Variants in TMEFF1 observed in about 807,000 individuals in gnomAD.
The protein encoded by TMEFF1 is tomoregulin-1.
A neutral mutation model predicts 47.5 loss-of-function variants in TMEFF1; 20 were observed. That is an observed-to-expected ratio of 0.42 (90% confidence interval 0.30 to 0.61). The LOEUF (loss-of-function observed/expected upper bound fraction) is 0.61. Ranked by LOEUF, TMEFF1 falls within the 20% of genes least tolerant of loss-of-function variation. The probability of loss-of-function intolerance (pLI) is 0.19; values close to 1 mark genes in which losing one functional copy is unlikely to be tolerated. For synonymous variants in TMEFF1, 162 were observed against 166.3 expected (o/e 0.97, Z 0.20); for missense variants, 411 against 471.1 (o/e 0.87, Z 1.18).
Position 100,577,336 on chromosome 9 carries a change from TAAAC to T in TMEFF1, c.*740_*743del, listed in dbSNP as rs1839370137. The stretch of plus-strand genomic sequence containing the variant: ...AAGAAAATGTTTGTTTTAACATAAA[TAAAC>T]AAATCGTATCAGTGTTTGTGAATAA... On this transcript the variant is annotated 3_prime_UTR_variant, in exon 10 of 10. Coordinates refer to ENST00000374879, the MANE Select transcript of TMEFF1 (RefSeq NM_003692.5). 6.6e-6 allele frequency: 1 copy of T among 152,580 alleles called. No individual in the cohort carries two copies. The highest frequency in any genetic ancestry group is 1.5e-5 in the Non-Finnish European group (1 of 67,992). The allele number at this position is 152,580 out of a possible 1,614,324, so 9.5% of individuals were successfully genotyped here. A position where few individuals can be genotyped will look rare whatever the true frequency, so the allele number is the denominator to read the frequency against.
chr9:100,522,873 C>A (rs1259695868), intron 5 of TMEFF1, among the ~76,000 whole-genome samples: 1 of 151,908 alleles, frequency 6.6e-6, no homozygotes, highest in Non-Finnish European at 1.5e-5. Context: ...TAGCTGGGAC[C>A]ACAGGTGCCC....
intron 5 of TMEFF1, among the ~76,000 whole-genome samples, chr9:100,547,164 C>T (rs1305166727): frequency 6.6e-6 from 1 of 152,022 alleles, no homozygotes; most frequent in Non-Finnish European, 1.5e-5. Context: ...CACAGGTACA[C>T]ACCACTGTGC....
At chr9:100,518,343 AGC>A in intron 5 of TMEFF1, 1 of 673,336 alleles carries the variant, frequency 1.5e-6, no homozygotes, top group Non-Finnish European at 1.8e-6. Context: ...TCCCAATCAG[AGC>A]AACTCTGTTG....
chr9:100,574,638 A>C (rs901836461), intron 9 of TMEFF1, among the ~76,000 whole-genome samples: 2 of 152,154 alleles, frequency 1.3e-5, no homozygotes, highest in African/African-American at 2.4e-5. Context: ...CGGTCTCGCA[A>C]AGTGCTGGGA....
intron 1 of TMEFF1, among the ~76,000 whole-genome samples, chr9:100,492,171 A>G (rs1180547152): frequency 2.0e-5 from 3 of 152,232 alleles, no homozygotes; most frequent in Non-Finnish European, 4.4e-5. Context: ...GGCGTGAGCC[A>G]CCGCACCTGG....
At chr9:100,521,800 A>G (rs1054224571) in intron 5 of TMEFF1, among the ~76,000 whole-genome samples, 2 of 152,222 alleles carry the variant, frequency 1.3e-5, no homozygotes, top group Non-Finnish European at 1.5e-5. Flanking sequence ...TTTGTCTGCA[A>G]TGCACTTTAT....
intron 5 of TMEFF1, among the ~76,000 whole-genome samples, chr9:100,546,236 C>T (rs926703554): frequency 6.6e-6 from 1 of 152,140 alleles, no homozygotes; most frequent in Non-Finnish European, 1.5e-5. Flanking sequence ...CACAGTTCCC[C>T]AGACCCACGT....
chr9:100,527,345 G>C (rs1838281283), intron 5 of TMEFF1, among the ~76,000 whole-genome samples: 1 of 152,172 alleles, frequency 6.6e-6, no homozygotes, highest in Non-Finnish European at 1.5e-5. Context: ...CATCTCACTA[G>C]GGAGTGCCAG....
chr9:100,529,781 A>C (rs1174922428), intron 5 of TMEFF1, among the ~76,000 whole-genome samples: 4 of 152,324 alleles, frequency 2.6e-5, no homozygotes, highest in Admixed American at 2.0e-4. Context: ...CCAAATCAAC[A>C]GAATATACAT....
At chr9:100,499,567 A>G (rs1299041704) in intron 2 of TMEFF1, among the ~76,000 whole-genome samples, 2 of 152,178 alleles carry the variant, frequency 1.3e-5, no homozygotes, top group Non-Finnish European at 2.9e-5. Context: ...TCACAATTTT[A>G]TTCTAAACGT....
chr9:100,569,154 G>GC (rs1839180436), intron 8 of TMEFF1, among the ~76,000 whole-genome samples: 1 of 152,162 alleles, frequency 6.6e-6, no homozygotes, highest in African/African-American at 2.4e-5. Context: ...CTGCCAGACC[G>GC]TTTTCCAAAG....
At chr9:100,517,343 C>A (rs1245494300) in intron 5 of TMEFF1, among the ~76,000 whole-genome samples, 4 of 152,184 alleles carry the variant, frequency 2.6e-5, no homozygotes, top group Admixed American at 1.3e-4. Flanking sequence ...GGATCTTCTT[C>A]ACTTCCTCAG....
Position 100,512,871 on chromosome 9 carries a change from A to ATT in TMEFF1, c.437-426_437-425dup, listed in dbSNP as rs201361054. Among the ~76,000 whole-genome samples the ATT allele has an allele frequency of 5.1e-3, 750 of 147,162 alleles. 6 individuals carry two copies. The highest frequency in any genetic ancestry group is 0.017 in the African/African-American group (703 of 40,456). Reference sequence around the variant, plus strand: ...TTTATCCGCAGATTTCCTTAAGAAGATTTTTTTTTTTGTAGTAAGACCCAA... The same window carrying ATT: ...TTTATCCGCAGATTTCCTTAAGAAGATTTTTTTTTTTTTGTAGTAAGACCCAA... On this transcript the variant is annotated intron_variant, in intron 3 of 9. Transcript: ENST00000374879.
intron 1 of TMEFF1, among the ~76,000 whole-genome samples, chr9:100,479,937 T>G (rs937848442): frequency 6.6e-6 from 1 of 152,226 alleles, no homozygotes; most frequent in African/African-American, 2.4e-5. Context: ...TTTTGAGGAA[T>G]TACCAAACGG....
intron 5 of TMEFF1, among the ~76,000 whole-genome samples, chr9:100,529,119 AC>A (rs1169890894): frequency 6.7e-6 from 1 of 149,972 alleles, no homozygotes; most frequent in Non-Finnish European, 1.5e-5. Context: ...AACAACCGGT[AC>A]CAGCCGCTGC....
chr9:100,498,832 T>C lies in TMEFF1; in HGVS notation c.264T>C (p.Cys88=). Residue 88 remains cysteine, a synonymous_variant, in exon 2 of 10, where the codon TGT becomes TGC. Transcript: ENST00000374879. ...DESSCKYGGV[C]KEDGDGLKCA... is the part of the protein sequence containing the mutation. ...CATCATGTAAATATGGAGGAGTCTG[T>C]AAAGAAGATGGAGATGGTTTGAAAT... 1 of 1,614,014 alleles carries C rather than the reference T, an allele frequency of 6.2e-7. No individual in the cohort carries two copies. The highest frequency in any genetic ancestry group is 1.3e-5 in the African/African-American group (1 of 75,040).
chr9:100,533,845 A>G (rs1838450766), intron 5 of TMEFF1, among the ~76,000 whole-genome samples: 1 of 152,048 alleles, frequency 6.6e-6, no homozygotes, highest in African/African-American at 2.4e-5. Flanking sequence ...CAGCCTCCCG[A>G]GTAGCTGGGA....
rs1837914893 is a variant in TMEFF1, at chr9:100,509,133, T to A, written c.435T>A (p.Ser145=). 2.6e-6 allele frequency: 4 copies of A among 1,533,398 alleles called. No homozygotes were observed. In the African/African-American group the frequency reaches 5.7e-5, roughly 22 times the overall value. 95.0% of individuals were successfully genotyped at this position (1,533,398 alleles called of 1,614,324 possible). Residue 145 remains serine (S), a splice_region_variant and synonymous_variant, in exon 3 of 10, where the codon TCT becomes TCA. Coordinates refer to ENST00000374879, the MANE Select transcript of TMEFF1 (RefSeq NM_003692.5). ...ITVIARGPCY[S]DNGSGSGEGE... is the part of the protein sequence containing the mutation. The stretch of plus-strand genomic sequence containing the variant: ...TAATAGCAAGAGGACCATGCTACTC[T>A]GGTATGTATGATATTCTTCTGAATA...
chr9:100,473,352 C>A lies in TMEFF1; in HGVS notation c.-193C>A, dbSNP rs944818012. On this transcript the variant is annotated 5_prime_UTR_variant, in exon 1 of 10. Coordinates refer to ENST00000374879, the MANE Select transcript of TMEFF1 (RefSeq NM_003692.5). The surrounding 1 kb of genome is among the most constrained non-coding windows in gnomAD (Gnocchi z 5.4). ...GACCCTCGCACGCGCCCGGACCCGC[C>A]GACTCCGTCCCGAGCGCCGCGGGCC... 2 of 297,108 alleles carry A rather than the reference C, an allele frequency of 6.7e-6. No homozygotes were observed. The highest frequency in any genetic ancestry group is 2.2e-5 in the African/African-American group (1 of 44,628). 18.4% of individuals were successfully genotyped at this position (297,108 alleles called of 1,614,324 possible). A position where few individuals can be genotyped will look rare whatever the true frequency, so the allele number is the denominator to read the frequency against.
Sources: gnomAD v4.1 joint callset for allele counts (sites outside exome capture counted in the v4.1 genomes callset) on GRCh38, gnomAD v4.1.1 for gene constraint, Gnocchi (gnomAD v3.1) non-coding constraint, MANE v1.5 for transcripts, NCBI Gene and HGNC (gene_info 2026-07-23, HGNC 2026-07-21) for gene names.